The following SLC9B1 variants were observed in gnomAD, a reference collection of about 807,000 sequenced individuals.
SLC9B1 encodes solute carrier family 9 member B1.
A neutral mutation model predicts 51.7 loss-of-function variants in SLC9B1; 32 were observed. That is an observed-to-expected ratio of 0.62 (90% CI 0.47 to 0.83). The LOEUF (loss-of-function observed/expected upper bound fraction) is 0.83, where lower values mean the gene tolerates loss of function less well. Ranked by LOEUF, SLC9B1 falls within the 40% of genes least tolerant of loss-of-function variation. SLC9B1 has a pLI of 0.00. For missense variants in SLC9B1, 406 were observed against 613.2 expected (o/e 0.66, Z 3.57); for synonymous variants, 145 against 212.7 (o/e 0.68, Z 2.77).
In SLC9B1 at chr4:102,926,862, G is replaced by A. The variant is rs1050507064; in HGVS notation, c.829+5262C>T. On this transcript the variant is annotated intron_variant, in intron 7 of 11. Coordinates refer to ENST00000296422, the MANE Select transcript of SLC9B1 (RefSeq NM_139173.4). Reference sequence around the variant, plus strand: ...TGACTTCAAACTGTACTACAAGGCTGCACTAACCAAAACAGCATGGTACTG... The same window carrying A: ...TGACTTCAAACTGTACTACAAGGCTACACTAACCAAAACAGCATGGTACTG... 2.1e-4 allele frequency among the ~76,000 whole-genome samples: 32 copies of A among 152,122 alleles called. 1 individual carries two copies. The highest frequency in any genetic ancestry group is 1.9e-3 in the South Asian group (9 of 4,818).
chr4:102,926,453 A>G (rs916928155), intron 7 of SLC9B1, among the ~76,000 whole-genome samples: 3 of 152,298 alleles, frequency 2.0e-5, no homozygotes, highest in Non-Finnish European at 2.9e-5. Flanking sequence ...TACACCATTA[A>G]TAGACAAACA....
chr4:102,923,731 C>T (rs187903711), intron 7 of SLC9B1, among the ~76,000 whole-genome samples: 36 of 152,150 alleles, frequency 2.4e-4, no homozygotes, highest in African/African-American at 7.2e-4. Context: ...ACAAAATCAA[C>T]GTGTAAAAAT....
chr4:102,906,706 AAGTCTT>A, intron 9 of SLC9B1, 62 bp from the exon 10 acceptor site: 1 of 1,067,790 alleles, frequency 9.4e-7, no homozygotes, highest in Middle Eastern at 3.0e-4. Context: ...CAGAAACTTA[AAGTCTT>A]CCCCCCCCTT....
In SLC9B1 at chr4:102,951,958, ATCTT is replaced by A. The variant is rs1345693260; in HGVS notation, c.212-2535_212-2532del. The stretch of plus-strand genomic sequence containing the variant: ...ATAGACTACCAAAGGCAAAAATAAA[ATCTT>A]TTTTTTTTTTTTTTTTTTATTATAC... On this transcript the variant is annotated intron_variant, in intron 3 of 11. Coordinates refer to ENST00000296422, the MANE Select transcript of SLC9B1 (RefSeq NM_139173.4). 1.6e-3 allele frequency among the ~76,000 whole-genome samples: 13 copies of A among 8,224 alleles called. 2 individuals carry two copies. The highest frequency in any genetic ancestry group is 5.4e-3 in the African/African-American group (11 of 2,044). The allele number at this position is 8,224 out of a possible 152,430, so 5.4% of individuals were successfully genotyped here. A position where few individuals can be genotyped will look rare whatever the true frequency, so the allele number is the denominator to read the frequency against.
intron 11 of SLC9B1, chr4:102,888,048 TTGTGTCTGTGTG>T (rs1419486265): frequency 8.0e-6 from 1 of 125,442 alleles, no homozygotes. Context: ...TACAAAAGGC[TTGTGTCTGTGTG>T]TGTGTGTGTG....
Position 102,975,584 on chromosome 4 carries a change from A to ATTT in SLC9B1, c.211+14215_211+14216insAAA, listed in dbSNP as rs1466561136. Among the ~76,000 whole-genome samples, 165 of 80,116 alleles carry ATTT rather than the reference A, an allele frequency of 2.1e-3. 6 individuals are homozygous for ATTT. The highest frequency in any genetic ancestry group is 3.5e-3 in the African/African-American group (63 of 18,176). The allele number at this position is 80,116 out of a possible 152,430, so 52.6% of individuals were successfully genotyped here. On this transcript the variant is annotated intron_variant, in intron 3 of 11. Transcript: ENST00000296422. ...TATATACATATATATATATATATAT[A>ATTT]TATTTTTTTTTTTTTTTTTTTTTTT...
chr4:103,019,580 T>G lies in SLC9B1; in HGVS notation c.-2+19A>C. 1 of 985,210 alleles carries G rather than the reference T, an allele frequency of 1.0e-6. No individual in the cohort carries two copies. Among genetic ancestry groups the G allele is most frequent in the Non-Finnish European group, 1.2e-6 (1 of 829,888 alleles). 61.0% of individuals were successfully genotyped at this position (985,210 alleles called of 1,614,324 possible). ...GCCAAAGGGCTTGGAAGGGCGGCGT[T>G]AAGAAAAATGGGCCGTACCTACAAC... is the stretch of plus-strand genomic sequence containing the variant. On this transcript the variant is annotated intron_variant, in intron 1 of 11. Coordinates refer to ENST00000296422, the MANE Select transcript of SLC9B1 (RefSeq NM_139173.4).
intron 3 of SLC9B1, among the ~76,000 whole-genome samples, chr4:102,983,153 A>AT (rs753959818): frequency 6.6e-6 from 1 of 151,952 alleles, no homozygotes; most frequent in Non-Finnish European, 1.5e-5. Context: ...TGATCATGTG[A>AT]TTTTTCTTCC....
chr4:102,966,751 A>G (rs555142342), intron 3 of SLC9B1, among the ~76,000 whole-genome samples: 1 of 152,254 alleles, frequency 6.6e-6, no homozygotes, highest in African/African-American at 2.4e-5. Context: ...TCTCAGTGCT[A>G]ATCTCTTTAG....
intron 9 of SLC9B1, among the ~76,000 whole-genome samples, chr4:102,908,328 C>A (rs980889481): frequency 1.3e-5 from 2 of 152,124 alleles, no homozygotes; most frequent in Non-Finnish European, 2.9e-5. Flanking sequence ...TGTACATATT[C>A]ATCACATGCA....
chr4:102,935,397 AG>A (rs528002154), intron 6 of SLC9B1, among the ~76,000 whole-genome samples: 269 of 152,326 alleles, frequency 1.8e-3, no homozygotes, highest in African/African-American at 6.1e-3. Flanking sequence ...TATTGGTATT[AG>A]GGCAAATTAA....
Position 102,910,600 on chromosome 4 carries a change from T to G in SLC9B1, c.937-12A>C. On this transcript the variant is annotated splice_polypyrimidine_tract_variant and intron_variant, in intron 8 of 11. Coordinates refer to ENST00000296422, the MANE Select transcript of SLC9B1 (RefSeq NM_139173.4). Reference sequence around the variant, plus strand: ...AATGTAAGTTTTTTCTAGAATTAGATAGATATTTAGAAATTAGTTTATATT... The same window carrying G: ...AATGTAAGTTTTTTCTAGAATTAGAGAGATATTTAGAAATTAGTTTATATT... 8.0e-7 allele frequency: 1 copy of G among 1,250,178 alleles called. No individual in the cohort carries two copies. The highest frequency in any genetic ancestry group is 2.1e-5 in the South Asian group (1 of 46,910). The allele number at this position is 1,250,178 out of a possible 1,614,324, so 77.4% of individuals were successfully genotyped here.
chr4:102,961,746 A>C (rs1178071120), intron 3 of SLC9B1, among the ~76,000 whole-genome samples: 1 of 152,116 alleles, frequency 6.6e-6, no homozygotes, highest in African/African-American at 2.4e-5. Context: ...TTGTACTTTA[A>C]GTTCTGGGAT....
chr4:102,896,177 C>T (rs990336814), downstream of SLC9B1, among the ~76,000 whole-genome samples: 3 of 152,144 alleles, frequency 2.0e-5, no homozygotes, highest in African/African-American at 7.2e-5. Context: ...ATCACTGAGA[C>T]ATGAAAGCCT....
At chr4:102,898,405 A>G (rs1734634542), downstream of SLC9B1, among the ~76,000 whole-genome samples, 1 of 152,258 alleles carries the variant, frequency 6.6e-6, no homozygotes, top group African/African-American at 2.4e-5. Flanking sequence ...AACAAATGCA[A>G]TGATAGTCCT....
At position 102,889,293 on chromosome 4, in the gene SLC9B1, A is replaced by G. The variant is rs1168788001; in HGVS notation, c.1333-3965T>C. On this transcript the variant is annotated intron_variant, in intron 11 of 11. Coordinates refer to the SLC9B1 transcript ENST00000394789. ...GGATACATTTTCTTCAACACTGTTA[A>G]GGGGCCTCACTGTCAGATTAACCAA... 2.6e-5 allele frequency: 4 copies of G among 152,354 alleles called. No individual in the cohort carries two copies. In the East Asian group the frequency reaches 7.7e-4, roughly 29 times the overall value. 9.4% of individuals were successfully genotyped at this position (152,354 alleles called of 1,614,324 possible). A position where few individuals can be genotyped will look rare whatever the true frequency, so the allele number is the denominator to read the frequency against.
chr4:102,961,414 T>C (rs1357580296), intron 3 of SLC9B1, among the ~76,000 whole-genome samples: 1 of 152,288 alleles, frequency 6.6e-6, no homozygotes, highest in Admixed American at 6.5e-5. Flanking sequence ...CCAGCCTCTT[T>C]TCCTAAACCT....
intron 11 of SLC9B1, among the ~76,000 whole-genome samples, chr4:102,901,780 G>A (rs2110421799): frequency 6.6e-6 from 1 of 152,242 alleles, no homozygotes; most frequent in African/African-American, 2.4e-5. Context: ...CCCTATTCAG[G>A]GGGCACTGTG....
intron 3 of SLC9B1, among the ~76,000 whole-genome samples, chr4:102,968,234 G>A (rs1213908371): frequency 6.6e-6 from 1 of 152,120 alleles, no homozygotes; most frequent in Non-Finnish European, 1.5e-5. Flanking sequence ...AAGATGCTAA[G>A]ACAATTCAAT....
Sources: gnomAD v4.1 joint callset for allele counts (sites outside exome capture counted in the v4.1 genomes callset) on GRCh38, gnomAD v4.1.1 for gene constraint, MANE v1.5 for transcripts, NCBI Gene and HGNC (gene_info 2026-07-23, HGNC 2026-07-21) for gene names.